Variants in MB21D2 observed in about 807,000 individuals in gnomAD.
MB21D2 encodes the protein Mab-21 domain containing 2.
In MB21D2, 9 loss-of-function variants were observed where a neutral mutation model predicts 33.3. That is an observed-to-expected ratio of 0.27 (90% CI 0.16 to 0.47). The LOEUF (loss-of-function observed/expected upper bound fraction) is 0.47, where lower values mean the gene tolerates loss of function less well. MB21D2 is among the 20% of genes least tolerant of loss of function. MB21D2 has a pLI of 0.99. For missense variants in MB21D2, 540 were observed against 624.6 expected, an observed-to-expected ratio of 0.86 and a Z score of 1.44; for synonymous variants, 241 against 236.3, an observed-to-expected ratio of 1.02 and a Z score of -0.18.
At chr3:192,855,771 A>C (rs1450712557) in intron 1 of MB21D2, among the ~76,000 whole-genome samples, 1 of 152,212 alleles carries the variant, frequency 6.6e-6, no homozygotes, top group Non-Finnish European at 1.5e-5. Flanking sequence ...GAAGCTTCAA[A>C]GAAGTTATAA....
At chr3:192,916,460 CCAAT>C (rs1189699118) in intron 1 of MB21D2, among the ~76,000 whole-genome samples, 1 of 152,180 alleles carries the variant, frequency 6.6e-6, no homozygotes, top group Admixed American at 6.5e-5. Flanking sequence ...AAGACCTTTC[CCAAT>C]CAAATTTTTC....
chr3:192,886,056 G>A lies in MB21D2; in HGVS notation c.211+31574C>T, dbSNP rs190308235. ...GCTGACTGCAACCTCCGCCTCCCGG[G>A]TTCAAGCAATTCTCTGCCTCAGCCT... On this transcript the variant is annotated intron_variant, in intron 1 of 1. Transcript: ENST00000392452. Among the ~76,000 whole-genome samples, 272 of 152,138 alleles carry A rather than the reference G, an allele frequency of 1.8e-3. 4 individuals are homozygous for A. The highest frequency in any genetic ancestry group is 4.5e-3 in the African/African-American group (185 of 41,432).
chr3:192,806,437 A>C (rs2174486), intron 1 of MB21D2, among the ~76,000 whole-genome samples: 80,783 of 151,996 alleles, frequency 0.53, 21,789 homozygotes, highest in African/African-American at 0.59. Flanking sequence ...TTGATTGAAA[A>C]ATAGCCACCT....
At chr3:192,914,439 A>G (rs887542807) in intron 1 of MB21D2, among the ~76,000 whole-genome samples, 1 of 152,224 alleles carries the variant, frequency 6.6e-6, no homozygotes, top group African/African-American at 2.4e-5. Flanking sequence ...CAATGGGGAC[A>G]CAAACCAGTC....
At chr3:192,827,521 T>A (rs1049454048) in intron 1 of MB21D2, among the ~76,000 whole-genome samples, 1 of 152,088 alleles carries the variant, frequency 6.6e-6, no homozygotes, top group Non-Finnish European at 1.5e-5. Flanking sequence ...CGTCCCAGCT[T>A]CTTATTTAAA....
chr3:192,880,371 T>A (rs758034417), intron 1 of MB21D2, among the ~76,000 whole-genome samples: 1 of 151,768 alleles, frequency 6.6e-6, no homozygotes, highest in African/African-American at 2.4e-5. Context: ...TAAAATAAAA[T>A]CCACTGTTTC....
chr3:192,806,066 G>A (rs539666844), intron 1 of MB21D2, among the ~76,000 whole-genome samples: 9 of 152,314 alleles, frequency 5.9e-5, no homozygotes, highest in Non-Finnish European at 1.2e-4. Flanking sequence ...GAATGCCATC[G>A]TGTGGCACGA....
intron 1 of MB21D2, among the ~76,000 whole-genome samples, chr3:192,858,039 C>T (rs545138054): frequency 9.7e-4 from 148 of 152,218 alleles, no homozygotes; most frequent in African/African-American, 3.4e-3. Context: ...GCAGGAAAAT[C>T]GCTTGAACCC....
intron 1 of MB21D2, among the ~76,000 whole-genome samples, chr3:192,836,405 C>T (rs990005933): frequency 8.5e-5 from 13 of 152,166 alleles, no homozygotes; most frequent in African/African-American, 2.7e-4. Context: ...TGTTGAAGCC[C>T]TAACTCCCAG....
At chr3:192,912,770 C>A (rs1221442602) in intron 1 of MB21D2, among the ~76,000 whole-genome samples, 1 of 152,146 alleles carries the variant, frequency 6.6e-6, no homozygotes, top group African/African-American at 2.4e-5. Context: ...GTGATGGAAA[C>A]TGATTGCTAC....
intron 1 of MB21D2, among the ~76,000 whole-genome samples, chr3:192,822,990 T>A (rs1577173264): frequency 6.6e-6 from 1 of 152,290 alleles, no homozygotes; most frequent in Middle Eastern, 3.4e-3. Context: ...ATGGCAACAT[T>A]CAGTTGACAT....
At chr3:192,835,771 T>C (rs1349607906) in intron 1 of MB21D2, among the ~76,000 whole-genome samples, 1 of 151,884 alleles carries the variant, frequency 6.6e-6, no homozygotes, top group Non-Finnish European at 1.5e-5. Context: ...ACAGATTTAC[T>C]AGCCTTGATC....
intron 1 of MB21D2, among the ~76,000 whole-genome samples, chr3:192,886,202 C>T (rs1051304762): frequency 6.6e-6 from 1 of 152,098 alleles, no homozygotes; most frequent in Admixed American, 6.5e-5. Context: ...TCGTGATCCA[C>T]TCGCCTTGGC....
intron 1 of MB21D2, among the ~76,000 whole-genome samples, chr3:192,806,402 C>A (rs1426154105): frequency 6.6e-6 from 1 of 152,110 alleles, no homozygotes; most frequent in Non-Finnish European, 1.5e-5. Context: ...TCATATCCTG[C>A]AAATAGTATA....
chr3:192,905,610 C>G (rs1399824071), intron 1 of MB21D2, among the ~76,000 whole-genome samples: 2 of 143,696 alleles, frequency 1.4e-5, no homozygotes, highest in African/African-American at 5.3e-5. Context: ...GCACTCCAGC[C>G]TGAGTGACAG....
chr3:192,895,603 A>C (rs1364070737), intron 1 of MB21D2, among the ~76,000 whole-genome samples: 1 of 152,254 alleles, frequency 6.6e-6, no homozygotes, highest in Non-Finnish European at 1.5e-5. Flanking sequence ...AAACATCCAG[A>C]AAACTATTAA....
intron 1 of MB21D2, among the ~76,000 whole-genome samples, chr3:192,896,366 G>A (rs544094597): frequency 1.3e-5 from 2 of 151,902 alleles, no homozygotes; most frequent in Non-Finnish European, 2.9e-5. Context: ...AGCGTCCTTC[G>A]CCTTTTTTTG....
At chr3:192,916,118 A>T (rs1034945260) in intron 1 of MB21D2, among the ~76,000 whole-genome samples, 2 of 149,226 alleles carry the variant, frequency 1.3e-5, no homozygotes, top group Non-Finnish European at 3.0e-5. Context: ...ATATATATAT[A>T]TATTTAATTC....
chr3:192,832,169 G>C (rs1329195135), intron 1 of MB21D2, among the ~76,000 whole-genome samples: 1 of 152,182 alleles, frequency 6.6e-6, no homozygotes, highest in Non-Finnish European at 1.5e-5. Context: ...GCTGGCATTG[G>C]AATCTGTATT....
Sources: allele counts gnomAD v4.1 joint callset (sites outside exome capture counted in the v4.1 genomes callset), GRCh38; gene constraint gnomAD v4.1.1; transcripts MANE v1.5; gene names NCBI Gene and HGNC (gene_info 2026-07-23, HGNC 2026-07-21).